XKR3: variants seen among roughly 807,000 people sequenced by gnomAD.
XKR3 encodes XK-related protein 3.
In XKR3, 27 loss-of-function variants were observed where a neutral mutation model predicts 40.3. The observed-to-expected ratio is 0.67, with a 90% CI of 0.49 to 0.92. The LOEUF (loss-of-function observed/expected upper bound fraction) is 0.92, where lower values mean the gene tolerates loss of function less well. Ranked by LOEUF, XKR3 falls within the 40% of genes least tolerant of loss-of-function variation. The probability of loss-of-function intolerance (pLI) is 0.00; values close to 1 mark genes in which losing one functional copy is unlikely to be tolerated. For missense variants in XKR3, 472 were observed against 537.6 expected (o/e 0.88, Z 1.21); for synonymous variants, 193 against 195.4 (o/e 0.99, Z 0.10).
chr22:16,807,705 G>T, intron 2 of XKR3, 34 bp downstream of exon 2: 1 of 1,497,768 alleles, frequency 6.7e-7, no homozygotes, highest in South Asian at 1.3e-5. Context: ...TTACTTGTTG[G>T]AGGCAGTGAA....
At chr22:16,816,320 AT>A (rs35787073) in intron 1 of XKR3, among the ~76,000 whole-genome samples, 66,729 of 150,720 alleles carry the variant, frequency 0.44, 15,062 homozygotes, top group Non-Finnish European at 0.46. Flanking sequence ...GCAGAAATTT[AT>A]TTTTTCCTGC....
At chr22:16,794,537 G>A (rs2060132858) in intron 3 of XKR3, among the ~76,000 whole-genome samples, 1 of 152,162 alleles carries the variant, frequency 6.6e-6, no homozygotes, top group South Asian at 2.1e-4. Context: ...ACTTTAAATA[G>A]ATTAGGCTTT....
chr22:16,796,159 A>C (rs1417882859), intron 3 of XKR3, among the ~76,000 whole-genome samples: 1 of 152,178 alleles, frequency 6.6e-6, no homozygotes, highest in Admixed American at 6.5e-5. Flanking sequence ...TCAAGAAGAG[A>C]TTGAAACTGA....
At chr22:16,803,269 G>A (rs2060176716) in intron 2 of XKR3, among the ~76,000 whole-genome samples, 1 of 152,056 alleles carries the variant, frequency 6.6e-6, no homozygotes, top group Admixed American at 6.5e-5. Context: ...AGAAACTGCA[G>A]ACCAATATCC....
chr22:16,801,074 T>G (rs1187807118), intron 2 of XKR3, among the ~76,000 whole-genome samples: 1 of 152,166 alleles, frequency 6.6e-6, no homozygotes, highest in Non-Finnish European at 1.5e-5. Context: ...TTATAGGGCA[T>G]TTAAGAAAAG....
At chr22:16,799,111 C>A (rs983364140) in intron 3 of XKR3, among the ~76,000 whole-genome samples, 56 of 152,102 alleles carry the variant, frequency 3.7e-4, no homozygotes, top group African/African-American at 1.3e-3. Flanking sequence ...GTTTCGACTT[C>A]TATTAAAAGC....
chr22:16,786,256 G>GCACACACACACACACACACACACA (rs750668264), intron 3 of XKR3, among the ~76,000 whole-genome samples: 1 of 148,596 alleles, frequency 6.7e-6, no homozygotes, highest in African/African-American at 2.5e-5. Flanking sequence ...CAAAACGCGT[G>GCACACACACACACACACACACACA]CACACACACA....
At chr22:16,821,438 C>T (rs2060255277) in intron 1 of XKR3, among the ~76,000 whole-genome samples, 2 of 152,110 alleles carry the variant, frequency 1.3e-5, no homozygotes, top group Non-Finnish European at 1.5e-5. Flanking sequence ...TACTGTGTTT[C>T]AAGTACCTGG....
At chr22:16,788,893 T>A (rs1352105567) in intron 3 of XKR3, among the ~76,000 whole-genome samples, 8 of 152,148 alleles carry the variant, frequency 5.3e-5, no homozygotes, top group African/African-American at 1.4e-4. Flanking sequence ...TAACAAAATC[T>A]AGGTGGTCAT....
chr22:16,818,027 C>A (rs1024554653), intron 1 of XKR3, among the ~76,000 whole-genome samples: 4 of 151,936 alleles, frequency 2.6e-5, no homozygotes, highest in African/African-American at 9.7e-5. Context: ...CTTCATTGAC[C>A]TATATTATTT....
chr22:16,812,630 G>A (rs1310504019), intron 1 of XKR3, among the ~76,000 whole-genome samples: 1 of 152,070 alleles, frequency 6.6e-6, no homozygotes, highest in African/African-American at 2.4e-5. Flanking sequence ...AGCTGAGATT[G>A]CACCACTGCA....
chr22:16,784,058 T>C lies in XKR3; in HGVS notation c.941A>G (p.Tyr314Cys), dbSNP rs2146135232. The C allele has an allele frequency of 1.9e-6, 3 of 1,614,226 alleles. No homozygotes were observed. Among genetic ancestry groups the C allele is most frequent in the Non-Finnish European group, 2.5e-6 (3 of 1,180,046 alleles). Residue 314 changes from tyrosine (Y) to cysteine (C), a missense_variant, in exon 4 of 4, where the codon TAT (tyrosine) becomes TGT (cysteine). Transcript: ENST00000684488. Reference sequence around the variant, plus strand: ...CCAGCAGGAGAAGTTGATGGCAGCATATAGCAGTGTGATCAAGAAAAGCAT... The same window carrying C: ...CCAGCAGGAGAAGTTGATGGCAGCACATAGCAGTGTGATCAAGAAAAGCAT... ...VLMLFLITLL[Y>C]AAINFSCWSA...
At chr22:16,796,032 T>A (rs2060139124) in intron 3 of XKR3, among the ~76,000 whole-genome samples, 1 of 151,940 alleles carries the variant, frequency 6.6e-6, no homozygotes, top group African/African-American at 2.4e-5. Flanking sequence ...ATATGACTGA[T>A]CCCACAGAAA....
chr22:16,800,135 A>G, intron 2 of XKR3, 111 bp from the exon 3 acceptor site: 1 of 1,223,062 alleles, frequency 8.2e-7, no homozygotes, highest in Non-Finnish European at 1.1e-6. Context: ...ATACTATCAA[A>G]TGGCAAATAT....
intron 3 of XKR3, among the ~76,000 whole-genome samples, chr22:16,787,530 G>A (rs1809530176): frequency 6.8e-6 from 1 of 147,550 alleles, no homozygotes; most frequent in African/African-American, 2.5e-5. Flanking sequence ...TTGCACTCCA[G>A]CCTAGGCAAC....
At chr22:16,795,939 C>T (rs1438198703) in intron 3 of XKR3, among the ~76,000 whole-genome samples, 1 of 151,724 alleles carries the variant, frequency 6.6e-6, no homozygotes, top group African/African-American at 2.4e-5. Context: ...TGAACTGCAG[C>T]CTTGGTGACA....
At chr22:16,815,069 TAA>T (rs2060227600) in intron 1 of XKR3, among the ~76,000 whole-genome samples, 1 of 152,068 alleles carries the variant, frequency 6.6e-6, no homozygotes, top group Admixed American at 6.5e-5. Context: ...GTTTTTGCAT[TAA>T]GTTTCATGTT....
chr22:16,791,713 G>A (rs1387154476), intron 3 of XKR3, among the ~76,000 whole-genome samples: 12 of 145,798 alleles, frequency 8.2e-5, no homozygotes, highest in African/African-American at 2.8e-4. Context: ...GCAGGGGGGA[G>A]AGAGAGAGGG....
At chr22:16,791,794 AG>A (rs2060119017) in intron 3 of XKR3, among the ~76,000 whole-genome samples, 3 of 106,416 alleles carry the variant, frequency 2.8e-5, no homozygotes, top group African/African-American at 7.6e-5. Flanking sequence ...AGAGAGAGAG[AG>A]AGAGAGAGAG....
Sources: gnomAD v4.1 joint callset for allele counts (sites outside exome capture counted in the v4.1 genomes callset) on GRCh38, gnomAD v4.1.1 for gene constraint, MANE v1.5 for transcripts, NCBI Gene and HGNC (gene_info 2026-07-23, HGNC 2026-07-21) for gene names.